Variants in NBEA observed in about 807,000 individuals in gnomAD.
NBEA encodes the protein lysosomal-trafficking regulator 2.
Under a neutral mutation model 343.4 loss-of-function variants are expected in NBEA, and 44 were observed. The ratio of observed to expected loss-of-function variants is 0.13; its 90% CI spans 0.10 to 0.16. NBEA has a LOEUF of 0.16. NBEA is among the 10% of genes least tolerant of loss of function. The pLI is 1.00. For missense variants in NBEA, 2,555 were observed against 3,631.3 expected, an observed-to-expected ratio of 0.70 and a Z score of 7.62; for synonymous variants, 1,175 against 1,238.7, an observed-to-expected ratio of 0.95 and a Z score of 1.08.
intron 53 of NBEA, among the ~76,000 whole-genome samples, chr13:35,654,461 A>T (rs2153081410): frequency 6.6e-6 from 1 of 152,322 alleles, no homozygotes; most frequent in South Asian, 2.1e-4. Flanking sequence ...AAATATTAAT[A>T]TATCTCTTCC....
At chr13:35,375,203 C>T (rs118084705) in intron 38 of NBEA, among the ~76,000 whole-genome samples, 4,517 of 152,172 alleles carry the variant, frequency 0.03, 103 homozygotes, top group Non-Finnish European at 0.045. Context: ...TACTAGTTTT[C>T]GTGTTTATTT....
intron 30 of NBEA, among the ~76,000 whole-genome samples, chr13:35,184,957 C>T (rs923099458): frequency 6.6e-6 from 1 of 152,074 alleles, no homozygotes; most frequent in Admixed American, 6.6e-5. Flanking sequence ...TTAGGTTATG[C>T]TGTATGGCAC....
intron 39 of NBEA, among the ~76,000 whole-genome samples, chr13:35,436,298 G>T (rs1004781595): frequency 6.6e-6 from 1 of 152,180 alleles, no homozygotes; most frequent in African/African-American, 2.4e-5. Context: ...TGTAGATTAA[G>T]AGTATATTGA....
intron 39 of NBEA, among the ~76,000 whole-genome samples, chr13:35,435,931 TTC>T (rs1052351705): frequency 2.0e-5 from 3 of 152,056 alleles, no homozygotes; most frequent in African/African-American, 7.2e-5. Flanking sequence ...GACCCAACAA[TTC>T]CCTATCTAGG....
chr13:35,656,765 A>G (rs947763904), intron 55 of NBEA, among the ~76,000 whole-genome samples: 2 of 152,246 alleles, frequency 1.3e-5, no homozygotes, highest in Non-Finnish European at 2.9e-5. Context: ...AAGTACTCAA[A>G]CCAGGATTAT....
chr13:35,305,839 A>C (rs2036855475), intron 35 of NBEA, among the ~76,000 whole-genome samples: 1 of 152,184 alleles, frequency 6.6e-6, no homozygotes, highest in African/African-American at 2.4e-5. Context: ...CTTGAACAAG[A>C]GTCAGTGATA....
rs748489464 is a variant in NBEA at position 35,667,562 on chromosome 13, T to G, written c.8653T>G (p.Ser2885Ala). 1 of 1,613,766 alleles carries G rather than the reference T, an allele frequency of 6.2e-7. No homozygotes were observed. Among genetic ancestry groups the G allele is most frequent in the African/African-American group, 1.3e-5 (1 of 74,942 alleles). The change falls in exon 57 of 59, where the codon TCA (serine) becomes GCA (alanine). Residue 2885 changes from serine (S) to alanine (A), a missense_variant. Ser to Ala is a moderately conservative substitution (Grantham distance 99). Transcript: ENST00000379939. ...KLLAQMEIND[S>A]TRAILLSSDG... is the part of the protein sequence containing the mutation. ...TTTGGCTCAAATGGAGATCAATGAT[T>G]CAACACGGGTAAATCTGCATAGTTC...
At chr13:35,217,056 A>G (rs1377869376) in intron 33 of NBEA, among the ~76,000 whole-genome samples, 1 of 151,816 alleles carries the variant, frequency 6.6e-6, no homozygotes, top group Non-Finnish European at 1.5e-5. Context: ...TGTTACCAGC[A>G]TTTTTTTAAG....
At chr13:35,133,488 C>G (rs1462500447) in intron 17 of NBEA, among the ~76,000 whole-genome samples, 1 of 151,972 alleles carries the variant, frequency 6.6e-6, no homozygotes, top group Non-Finnish European at 1.5e-5. Flanking sequence ...GGAACTCTCT[C>G]CTTGACATAG....
chr13:35,634,953 CT>C (rs1462529167), intron 49 of NBEA, among the ~76,000 whole-genome samples: 1 of 152,026 alleles, frequency 6.6e-6, no homozygotes, highest in Non-Finnish European at 1.5e-5. Flanking sequence ...TTCCTTGCTA[CT>C]ACAGAGAATT....
intron 33 of NBEA, among the ~76,000 whole-genome samples, chr13:35,230,491 C>T (rs2074908325): frequency 6.6e-6 from 1 of 152,002 alleles, no homozygotes; most frequent in Non-Finnish European, 1.5e-5. Context: ...AATAATCATA[C>T]TTCATTTATA....
At chr13:35,190,738 A>G (rs2072123319) in intron 30 of NBEA, among the ~76,000 whole-genome samples, 1 of 152,154 alleles carries the variant, frequency 6.6e-6, no homozygotes, top group Non-Finnish European at 1.5e-5. Flanking sequence ...AGACAAGCAA[A>G]GAAATAGGAA....
chr13:35,255,501 A>T (rs898013822), intron 34 of NBEA, among the ~76,000 whole-genome samples: 1 of 152,240 alleles, frequency 6.6e-6, no homozygotes, highest in Non-Finnish European at 1.5e-5. Flanking sequence ...ACAACCAGGC[A>T]CACTGACTGC....
At chr13:35,525,563 A>G (rs2077932399) in intron 41 of NBEA, among the ~76,000 whole-genome samples, 1 of 152,176 alleles carries the variant, frequency 6.6e-6, no homozygotes, top group Non-Finnish European at 1.5e-5. Context: ...CAATAAATAA[A>G]TAAATAAATA....
chr13:35,365,209 G>A (rs2041031792), intron 38 of NBEA, among the ~76,000 whole-genome samples: 1 of 151,686 alleles, frequency 6.6e-6, no homozygotes, highest in Non-Finnish European at 1.5e-5. Context: ...TTTGTAAAAT[G>A]CCTAATACAT....
At chr13:35,070,656 C>A in intron 9 of NBEA, 63 bp from the exon 10 acceptor site, 2 of 1,383,858 alleles carry the variant, frequency 1.4e-6, no homozygotes, top group South Asian at 1.6e-5. Flanking sequence ...GTATTTGGAA[C>A]AAGGAAATAG....
At chr13:35,453,310 A>C (rs1467683926) in intron 40 of NBEA, among the ~76,000 whole-genome samples, 1 of 152,180 alleles carries the variant, frequency 6.6e-6, no homozygotes. Flanking sequence ...TAGTTCCTAG[A>C]TATTTCTATA....
At chr13:35,617,735 A>C (rs1039058862) in intron 48 of NBEA, among the ~76,000 whole-genome samples, 3 of 152,004 alleles carry the variant, frequency 2.0e-5, no homozygotes, top group Non-Finnish European at 2.9e-5. Flanking sequence ...TGTTGCTCCA[A>C]CTCCTGGTCG....
At chr13:35,257,473 G>A (rs1011484970) in intron 34 of NBEA, among the ~76,000 whole-genome samples, 5 of 152,208 alleles carry the variant, frequency 3.3e-5, no homozygotes, top group African/African-American at 9.6e-5. Context: ...ATTAAGAGCA[G>A]CAATGTAAAT....
Sources: allele counts gnomAD v4.1 joint callset (sites outside exome capture counted in the v4.1 genomes callset), GRCh38; gene constraint gnomAD v4.1.1; transcripts MANE v1.5; gene names NCBI Gene and HGNC (gene_info 2026-07-23, HGNC 2026-07-21).